Variants in GALNT13 observed in about 807,000 individuals in gnomAD.
GALNT13 encodes the protein polypeptide N-acetylgalactosaminyltransferase 13, also known as UDP-GalNAc:polypeptide N-acetylgalactosaminyltransferase 13.
In GALNT13, 28 loss-of-function variants were observed where a neutral mutation model predicts 64.2. The ratio of observed to expected loss-of-function variants is 0.44; its 90% CI spans 0.32 to 0.60. The LOEUF is 0.60. GALNT13 is among the 20% of genes least tolerant of loss of function. The probability of loss-of-function intolerance (pLI) is 0.05; values close to 1 mark genes in which losing one functional copy is unlikely to be tolerated. For synonymous variants in GALNT13, 214 were observed against 224.6 expected (o/e 0.95, Z 0.42); for missense variants, 577 against 669.8 (o/e 0.86, Z 1.53).
chr2:154,092,522 A>T (rs1701867601), intron 3 of GALNT13, among the ~76,000 whole-genome samples: 1 of 152,034 alleles, frequency 6.6e-6, no homozygotes, highest in Admixed American at 6.6e-5. Context: ...TGCTGAAAAT[A>T]TCTTCCCCAA....
At chr2:153,219,094 GGATGGCCACCCAGTAA>G in the GALNT13 span, among the ~76,000 whole-genome samples, 2 of 152,072 alleles carry the variant, frequency 1.3e-5, no homozygotes, top group African/African-American at 4.8e-5. Context: ...TTCCTCTTGG[GGATGGCCACCCAGTAA>G]GATAATTAAT....
chr2:154,245,725 C>T (rs1293423059), intron 6 of GALNT13, 87 bp from the exon 7 acceptor site: 1 of 810,728 alleles, frequency 1.2e-6, no homozygotes, highest in African/African-American at 1.7e-5. Flanking sequence ...AATTAAATTT[C>T]CTCATATCAG....
chr2:154,199,887 G>A (rs1687079778), intron 4 of GALNT13, among the ~76,000 whole-genome samples: 1 of 151,856 alleles, frequency 6.6e-6, no homozygotes, highest in African/African-American at 2.4e-5. Flanking sequence ...TAATAATCAA[G>A]GTTTGGATTG....
the GALNT13 span, among the ~76,000 whole-genome samples, chr2:153,347,578 A>C: frequency 1.3e-5 from 2 of 152,238 alleles, no homozygotes; most frequent in African/African-American, 2.4e-5. Context: ...GGCATATAGC[A>C]CTTGAGTACT....
chr2:153,637,589 G>GT, the GALNT13 span, among the ~76,000 whole-genome samples: 1 of 152,066 alleles, frequency 6.6e-6, no homozygotes, highest in Non-Finnish European at 1.5e-5. Context: ...ATAACAGCAA[G>GT]TTTTTTGCAT....
chr2:153,795,722 T>C, the GALNT13 span, among the ~76,000 whole-genome samples: 1 of 152,202 alleles, frequency 6.6e-6, no homozygotes, highest in East Asian at 1.9e-4. Context: ...TGAAAAAGAT[T>C]ATTTCACATT....
chr2:154,085,945 T>C (rs1574474113), intron 3 of GALNT13, among the ~76,000 whole-genome samples: 1 of 151,882 alleles, frequency 6.6e-6, no homozygotes, highest in East Asian at 1.9e-4. Context: ...ATAAAGTATG[T>C]TGTAATTTGG....
At chr2:153,562,365 G>GATTTT in the GALNT13 span, among the ~76,000 whole-genome samples, 2 of 151,900 alleles carry the variant, frequency 1.3e-5, no homozygotes, top group Non-Finnish European at 2.9e-5. Flanking sequence ...TTTCCTCCAG[G>GATTTT]ATTTTATTTG....
At chr2:153,677,310 C>T in the GALNT13 span, among the ~76,000 whole-genome samples, 1 of 151,404 alleles carries the variant, frequency 6.6e-6, no homozygotes, top group African/African-American at 2.4e-5. Flanking sequence ...CACACACACA[C>T]ACACACACAC....
At position 154,242,149 on chromosome 2, in the gene GALNT13, A is replaced by G. The variant is rs1000061543; in HGVS notation, c.431A>G (p.His144Arg). 1 of 1,613,062 alleles carries G rather than the reference A, an allele frequency of 6.2e-7. No homozygotes were observed. The highest frequency in any genetic ancestry group is 8.5e-7 in the Non-Finnish European group (1 of 1,179,634). Residue 144 changes from histidine to arginine, a missense_variant, in exon 5 of 13, where the codon CAC (histidine) becomes CGC (arginine). His to Arg is a conservative substitution (Grantham distance 29). Coordinates refer to ENST00000392825, the MANE Select transcript of GALNT13 (RefSeq NM_052917.4). ...TACAGTGTGATAAATCGTTCCCCAC[A>G]CTATCTACTCTCAGAGGTCATCTTG... ...TVYSVINRSP[H>R]YLLSEVILVD...
the GALNT13 span, among the ~76,000 whole-genome samples, chr2:153,587,520 G>A: frequency 6.6e-6 from 1 of 152,168 alleles, no homozygotes; most frequent in Non-Finnish European, 1.5e-5. Flanking sequence ...AGCAGGCAAA[G>A]AGAGAGAACT....
intron 9 of GALNT13, among the ~76,000 whole-genome samples, chr2:154,336,618 T>C (rs2105210685): frequency 6.6e-6 from 1 of 152,252 alleles, no homozygotes; most frequent in African/African-American, 2.4e-5. Flanking sequence ...AAATGTCCAT[T>C]AAGCAAATAA....
At chr2:153,745,628 CA>C in the GALNT13 span, among the ~76,000 whole-genome samples, 1 of 152,126 alleles carries the variant, frequency 6.6e-6, no homozygotes, top group South Asian at 2.1e-4. Flanking sequence ...TCTTATTAAG[CA>C]AAAGTTTATT....
intron 9 of GALNT13, among the ~76,000 whole-genome samples, chr2:154,356,350 C>G (rs1271155268): frequency 6.6e-6 from 1 of 151,912 alleles, no homozygotes; most frequent in African/African-American, 2.4e-5. Context: ...CTGAGAATTG[C>G]TAGTGTTCAA....
At chr2:153,898,083 T>A (rs1280652624) in intron 1 of GALNT13, among the ~76,000 whole-genome samples, 5 of 152,140 alleles carry the variant, frequency 3.3e-5, no homozygotes, top group African/African-American at 1.2e-4. Context: ...TGGTATCCTT[T>A]ACCTTTTTCA....
At chr2:153,694,602 G>A in the GALNT13 span, among the ~76,000 whole-genome samples, 1 of 152,234 alleles carries the variant, frequency 6.6e-6, no homozygotes, top group East Asian at 1.9e-4. Flanking sequence ...TTACCTTTGG[G>A]AGAGTCTTGA....
At chr2:154,303,646 A>G (rs1194771337) in intron 9 of GALNT13, among the ~76,000 whole-genome samples, 1 of 152,130 alleles carries the variant, frequency 6.6e-6, no homozygotes, top group Non-Finnish European at 1.5e-5. Flanking sequence ...CGACTAACCC[A>G]CATTACACAG....
intron 3 of GALNT13, among the ~76,000 whole-genome samples, chr2:154,093,795 C>A (rs1303631272): frequency 6.6e-6 from 1 of 151,068 alleles, no homozygotes; most frequent in African/African-American, 2.4e-5. Flanking sequence ...TCATATAATC[C>A]AGTGTACAAC....
At chr2:153,530,858 C>A in the GALNT13 span, among the ~76,000 whole-genome samples, 1 of 152,248 alleles carries the variant, frequency 6.6e-6, no homozygotes, top group South Asian at 2.1e-4. Context: ...AAAACTGGAA[C>A]CCTATCTCTT....
Sources: allele counts gnomAD v4.1 joint callset (sites outside exome capture counted in the v4.1 genomes callset), GRCh38; gene constraint gnomAD v4.1.1; transcripts MANE v1.5; gene names NCBI Gene and HGNC (gene_info 2026-07-23, HGNC 2026-07-21).